The following PTPRD variants were observed in gnomAD, a reference collection of about 807,000 sequenced individuals.
PTPRD encodes the protein protein tyrosine phosphatase receptor type D, also known as receptor-type tyrosine-protein phosphatase delta.
In PTPRD, 34 loss-of-function variants were observed where a neutral mutation model predicts 214.5. The observed-to-expected ratio is 0.16, with a 90% CI of 0.12 to 0.21. The LOEUF (loss-of-function observed/expected upper bound fraction) is 0.21, where lower values mean the gene tolerates loss of function less well. Among genes scored for constraint, PTPRD ranks in the 10% least tolerant of loss-of-function variants. The pLI is 1.00. For missense variants in PTPRD, 2,545 were observed against 2,398.7 expected (o/e 1.06, Z -1.27); for synonymous variants, 1,128 against 845.7 (o/e 1.33, Z -5.79).
intron 11 of PTPRD, among the ~76,000 whole-genome samples, chr9:8,849,666 G>T (rs1287614117): frequency 6.6e-6 from 1 of 152,186 alleles, no homozygotes; most frequent in African/African-American, 2.4e-5. Flanking sequence ...AACAGTATTG[G>T]TAGAACTAAA....
intron 3 of PTPRD, among the ~76,000 whole-genome samples, chr9:10,210,004 T>C (rs1363336432): frequency 3.9e-5 from 6 of 152,128 alleles, no homozygotes; most frequent in Non-Finnish European, 2.9e-5. Flanking sequence ...GTTTATTATA[T>C]TCTCTTCCTG....
chr9:9,793,131 G>A (rs1304444038), intron 5 of PTPRD, among the ~76,000 whole-genome samples: 1 of 151,980 alleles, frequency 6.6e-6, no homozygotes, highest in African/African-American at 2.4e-5. Flanking sequence ...CTAAAATACA[G>A]GACCTGAAAT....
chr9:10,098,639 A>T (rs1351003727), intron 3 of PTPRD, among the ~76,000 whole-genome samples: 1 of 151,772 alleles, frequency 6.6e-6, no homozygotes, highest in Admixed American at 6.6e-5. Context: ...AGCAGAACAC[A>T]GTTTTGTTTT....
intron 3 of PTPRD, among the ~76,000 whole-genome samples, chr9:10,315,332 G>A (rs1013308664): frequency 1.2e-4 from 18 of 151,828 alleles, no homozygotes; most frequent in African/African-American, 4.1e-4. Context: ...ATCATCAGCA[G>A]AATAAATGTA....
At chr9:9,299,760 CAT>C (rs1954536424) in intron 9 of PTPRD, among the ~76,000 whole-genome samples, 1 of 151,092 alleles carries the variant, frequency 6.6e-6, no homozygotes, top group South Asian at 2.1e-4. Flanking sequence ...AGAATAGACA[CAT>C]ATGTGGGATG....
chr9:10,266,187 A>G (rs1448711756), intron 3 of PTPRD, among the ~76,000 whole-genome samples: 1 of 152,156 alleles, frequency 6.6e-6, no homozygotes, highest in African/African-American at 2.4e-5. Flanking sequence ...TAAAAGCACT[A>G]GTTAAGTGTG....
intron 7 of PTPRD, among the ~76,000 whole-genome samples, chr9:9,657,256 C>T (rs1263663812): frequency 4.6e-5 from 7 of 151,176 alleles, no homozygotes; most frequent in African/African-American, 7.3e-5. Context: ...CAAGATACAC[C>T]GTGAAATACT....
chr9:9,734,632 G>T (rs1258856404), intron 6 of PTPRD, 61 bp from the exon 7 acceptor site: 1 of 151,988 alleles, frequency 6.6e-6, no homozygotes, highest in Non-Finnish European at 1.5e-5. Flanking sequence ...AGAAAAAATA[G>T]ACAATAAAAT....
chr9:9,811,099 A>G lies in PTPRD; in HGVS notation c.-367-44248T>C, dbSNP rs527652522. Among the ~76,000 whole-genome samples, 14 of 152,162 alleles carry G rather than the reference A, an allele frequency of 9.2e-5. No individual in the cohort carries two copies. The East Asian group carries it at 2.5e-3, about 27-fold the overall frequency. ...CTAAAAATACAAAAATTAGCTGGGCATGGTGGTGCACACCTATAATTCCAG... is the reference window on the plus strand; with the variant it reads ...CTAAAAATACAAAAATTAGCTGGGCGTGGTGGTGCACACCTATAATTCCAG... On this transcript the variant is annotated intron_variant, in intron 5 of 45. Coordinates refer to ENST00000381196, the MANE Select transcript of PTPRD (RefSeq NM_002839.4).
chr9:10,155,558 C>A (rs768273455), intron 3 of PTPRD, among the ~76,000 whole-genome samples: 9 of 152,100 alleles, frequency 5.9e-5, no homozygotes, highest in Non-Finnish European at 7.4e-5. Context: ...AGCTTTTGCC[C>A]ATTAAGTACA....
intron 9 of PTPRD, among the ~76,000 whole-genome samples, chr9:9,331,066 T>C (rs2042131841): frequency 1.3e-5 from 2 of 152,140 alleles, no homozygotes; most frequent in Middle Eastern, 3.4e-3. Context: ...TAAGCAAACA[T>C]GAAGACCTGC....
At chr9:9,448,349 G>A (rs2145017219) in intron 8 of PTPRD, among the ~76,000 whole-genome samples, 1 of 152,084 alleles carries the variant, frequency 6.6e-6, no homozygotes, top group South Asian at 2.1e-4. Flanking sequence ...AGAGGTGATT[G>A]GATCATGGTG....
chr9:10,378,188 C>T (rs1181038769), intron 2 of PTPRD, among the ~76,000 whole-genome samples: 2 of 151,878 alleles, frequency 1.3e-5, no homozygotes, highest in Non-Finnish European at 2.9e-5. Context: ...TTTCATATGC[C>T]TGCTTCTTAA....
intron 7 of PTPRD, among the ~76,000 whole-genome samples, chr9:9,653,437 T>C (rs1594318780): frequency 7.5e-6 from 1 of 133,608 alleles, no homozygotes; most frequent in South Asian, 2.5e-4. Context: ...TTAGCAAATA[T>C]AGGTCCTTTG....
intron 21 of PTPRD, among the ~76,000 whole-genome samples, chr9:8,516,942 G>A (rs975564365): frequency 6.6e-6 from 1 of 151,242 alleles, no homozygotes; most frequent in Non-Finnish European, 1.5e-5. Context: ...CTCCTGAGTA[G>A]CAGGAATTAC....
chr9:8,747,624 T>C (rs1020087434), intron 11 of PTPRD, among the ~76,000 whole-genome samples: 2 of 152,178 alleles, frequency 1.3e-5, no homozygotes, highest in African/African-American at 2.4e-5. Flanking sequence ...CAAGCCCCAG[T>C]ACTCAGAAGA....
chr9:10,158,805 C>T (rs948605671), intron 3 of PTPRD, among the ~76,000 whole-genome samples: 1 of 152,142 alleles, frequency 6.6e-6, no homozygotes, highest in African/African-American at 2.4e-5. Flanking sequence ...TACCTCAGGT[C>T]CACTGGCAGG....
rs955294499 is a variant in PTPRD, at chr9:9,800,705, T to C, written c.-367-33854A>G. 9.2e-5 allele frequency: 14 copies of C among 152,206 alleles called. 1 individual carries two copies. The highest frequency in any genetic ancestry group is 3.1e-4 in the African/African-American group (13 of 41,456). The allele number at this position is 152,206 out of a possible 1,614,324, so 9.4% of individuals were successfully genotyped here. A position where few individuals can be genotyped will look rare whatever the true frequency, so the allele number is the denominator to read the frequency against. ...TACCTGATAAATGTATTTTGACTGATTGAATGATATGTCATTAATATTAGG... is the reference window on the plus strand; with the variant it reads ...TACCTGATAAATGTATTTTGACTGACTGAATGATATGTCATTAATATTAGG... On this transcript the variant is annotated intron_variant, in intron 5 of 45. Transcript: ENST00000381196.
rs114422457 is a variant in PTPRD, at chr9:9,195,481, G to A, written c.-202-12118C>T. On this transcript the variant is annotated intron_variant, in intron 9 of 45. Transcript: ENST00000381196. ...AGCCAATGGGAAGACATTTGTTGGG[G>A]ATTAAGTAGGGACTGTGCTGGTCTG... Among the ~76,000 whole-genome samples, 924 of 152,166 alleles carry A rather than the reference G, an allele frequency of 6.1e-3. 6 individuals are homozygous for A. The highest frequency in any genetic ancestry group is 0.021 in the African/African-American group (879 of 41,520).
Sources: allele counts gnomAD v4.1 joint callset (sites outside exome capture counted in the v4.1 genomes callset), GRCh38; gene constraint gnomAD v4.1.1; transcripts MANE v1.5; gene names NCBI Gene and HGNC (gene_info 2026-07-23, HGNC 2026-07-21).